Variants in ASAP1 observed in about 807,000 individuals in gnomAD.
ASAP1 encodes arf-GAP with SH3 domain, ANK repeat and PH domain-containing protein 1.
A neutral mutation model predicts 145.2 loss-of-function variants in ASAP1; 43 were observed. The observed-to-expected ratio is 0.30, with a 90% CI of 0.23 to 0.38. The LOEUF (loss-of-function observed/expected upper bound fraction) is 0.38, where lower values mean the gene tolerates loss of function less well. Among genes scored for constraint, ASAP1 ranks in the 10% least tolerant of loss-of-function variants. The probability of loss-of-function intolerance (pLI) is 1.00; values close to 1 mark genes in which losing one functional copy is unlikely to be tolerated. For missense variants in ASAP1, 1,018 were observed against 1,355.3 expected (o/e 0.75, Z 3.91); for synonymous variants, 546 against 515.5 (o/e 1.06, Z -0.80).
intron 12 of ASAP1, among the ~76,000 whole-genome samples, chr8:130,159,496 C>A (rs998789591): frequency 6.6e-6 from 1 of 150,552 alleles, no homozygotes; most frequent in Non-Finnish European, 1.5e-5. Flanking sequence ...GTGGCAGGCG[C>A]CTGCAGTCCC....
At chr8:130,172,167 G>A (rs550912180) in intron 9 of ASAP1, among the ~76,000 whole-genome samples, 23 of 152,152 alleles carry the variant, frequency 1.5e-4, no homozygotes, top group Non-Finnish European at 2.6e-4. Context: ...GTTAGCATGT[G>A]CTCAAGAAAT....
chr8:130,104,140 T>C (rs186261791), intron 24 of ASAP1, among the ~76,000 whole-genome samples: 1 of 152,340 alleles, frequency 6.6e-6, no homozygotes. Flanking sequence ...GGGTACTCAG[T>C]ACACAACTGA....
At chr8:130,253,970 G>T (rs1819362163) in intron 3 of ASAP1, among the ~76,000 whole-genome samples, 1 of 152,054 alleles carries the variant, frequency 6.6e-6, no homozygotes, top group African/African-American at 2.4e-5. Context: ...TCGGTGAGCT[G>T]AGGTCACACC....
Position 130,076,407 on chromosome 8 carries a change from C to T in ASAP1, c.2643-1G>A, listed in dbSNP as rs2097462395. 6.2e-7 allele frequency: 1 copy of T among 1,605,840 alleles called. No homozygotes were observed. ...AAGGGCAGTCTTTGCAGAACTGGTGCTAATCAACAAATAAGAATCATTTAG... is the reference window on the plus strand; with the variant it reads ...AAGGGCAGTCTTTGCAGAACTGGTGTTAATCAACAAATAAGAATCATTTAG... On this transcript the variant is annotated splice_acceptor_variant, in intron 26 of 29. Coordinates refer to ENST00000518721, the MANE Select transcript of ASAP1 (RefSeq NM_018482.4). LOFTEE classifies it high-confidence loss of function.
chr8:130,094,984 A>G (rs1275232587), intron 24 of ASAP1, among the ~76,000 whole-genome samples: 1 of 152,232 alleles, frequency 6.6e-6, no homozygotes, highest in East Asian at 1.9e-4. Context: ...TGCATTATAT[A>G]TGTATGAGAC....
At chr8:130,349,207 A>G (rs1825859046) in intron 3 of ASAP1, among the ~76,000 whole-genome samples, 1 of 152,150 alleles carries the variant, frequency 6.6e-6, no homozygotes, top group Non-Finnish European at 1.5e-5. Context: ...ATGACCCACA[A>G]TGGTCAAAGT....
At chr8:130,150,392 T>C (rs763349440) in intron 13 of ASAP1, among the ~76,000 whole-genome samples, 1 of 152,248 alleles carries the variant, frequency 6.6e-6, no homozygotes, top group Non-Finnish European at 1.5e-5. Context: ...GCAGTGCCAC[T>C]GATTCACTTC....
At chr8:130,327,929 G>A (rs1184021491) in intron 3 of ASAP1, among the ~76,000 whole-genome samples, 1 of 152,142 alleles carries the variant, frequency 6.6e-6, no homozygotes, top group Non-Finnish European at 1.5e-5. Context: ...ATGATGGTTT[G>A]GTAGACTAAT....
intron 11 of ASAP1, chr8:130,160,686 T>C (rs2136020534): frequency 6.4e-6 from 5 of 776,100 alleles, no homozygotes; most frequent in Non-Finnish European, 9.0e-6. Flanking sequence ...ATTACGAAAA[T>C]GTAAGAAATA....
At chr8:130,198,158 G>C (rs1162829130) in intron 5 of ASAP1, among the ~76,000 whole-genome samples, 2 of 145,444 alleles carry the variant, frequency 1.4e-5, no homozygotes, top group African/African-American at 2.6e-5. Context: ...TTTTGAGACA[G>C]AGTCTTACTC....
chr8:130,063,760 T>A (rs1021069496), intron 27 of ASAP1, among the ~76,000 whole-genome samples: 1 of 152,100 alleles, frequency 6.6e-6, no homozygotes, highest in Non-Finnish European at 1.5e-5. Flanking sequence ...AGTTCAGACT[T>A]ACAGGAAAAG....
chr8:130,095,462 G>A (rs181322249), intron 24 of ASAP1, among the ~76,000 whole-genome samples: 13 of 151,892 alleles, frequency 8.6e-5, no homozygotes, highest in African/African-American at 3.1e-4. Flanking sequence ...CACCACGTCT[G>A]GCTAATTTTT....
intron 14 of ASAP1, among the ~76,000 whole-genome samples, chr8:130,135,089 A>G (rs960780357): frequency 3.9e-5 from 6 of 152,178 alleles, no homozygotes; most frequent in African/African-American, 7.2e-5. Context: ...CTCTTTCTCA[A>G]TATATTCAGG....
At chr8:130,436,660 G>A (rs1211140839) in intron 1 of ASAP1, among the ~76,000 whole-genome samples, 1 of 152,194 alleles carries the variant, frequency 6.6e-6, no homozygotes, top group Non-Finnish European at 1.5e-5. Context: ...TGAATAACCA[G>A]GCAAGGTGGC....
chr8:130,276,191 C>T (rs1820870347), intron 3 of ASAP1, among the ~76,000 whole-genome samples: 1 of 152,188 alleles, frequency 6.6e-6, no homozygotes, highest in Non-Finnish European at 1.5e-5. Context: ...GCACAGCAAA[C>T]TCCTAGAGCT....
intron 3 of ASAP1, among the ~76,000 whole-genome samples, chr8:130,311,444 C>G (rs1390345745): frequency 6.6e-6 from 1 of 152,102 alleles, no homozygotes; most frequent in Non-Finnish European, 1.5e-5. Context: ...GCATCTTTTT[C>G]ACTCGTTAAG....
intron 25 of ASAP1, among the ~76,000 whole-genome samples, chr8:130,089,301 A>G (rs2097500645): frequency 1.3e-5 from 2 of 152,168 alleles, no homozygotes; most frequent in Admixed American, 1.3e-4. Flanking sequence ...ACTTTGGGGA[A>G]TGTGGTGTAC....
intron 3 of ASAP1, among the ~76,000 whole-genome samples, chr8:130,328,789 ATTTTTATT>A (rs1222785804): frequency 6.6e-6 from 1 of 151,710 alleles, no homozygotes; most frequent in Non-Finnish European, 1.5e-5. Context: ...TGCTCAATTA[ATTTTTATT>A]TTTTTATTTT....
chr8:130,425,516 C>CA (rs1829884436), intron 1 of ASAP1, among the ~76,000 whole-genome samples: 1 of 151,872 alleles, frequency 6.6e-6, no homozygotes, highest in Admixed American at 6.6e-5. Context: ...GACTCTGTCT[C>CA]AAAAAACACA....
Sources: gnomAD v4.1 joint callset for allele counts (sites outside exome capture counted in the v4.1 genomes callset) on GRCh38, gnomAD v4.1.1 for gene constraint, MANE v1.5 for transcripts, NCBI Gene and HGNC (gene_info 2026-07-23, HGNC 2026-07-21) for gene names.